Variants in B3GNT2 observed in about 807,000 individuals in gnomAD.
The protein encoded by B3GNT2 is UDP-GlcNAc:betaGal beta-1,3-N-acetylglucosaminyltransferase 2, also known as N-acetyllactosaminide beta-1,3-N-acetylglucosaminyltransferase 2.
Under a neutral mutation model 27.6 loss-of-function variants are expected in B3GNT2, and 12 were observed. That is an observed-to-expected ratio of 0.44 (90% CI 0.28 to 0.71). The LOEUF is 0.71. Ranked by LOEUF, B3GNT2 falls within the 30% of genes least tolerant of loss-of-function variation. The probability of loss-of-function intolerance (pLI) is 0.17; values close to 1 mark genes in which losing one functional copy is unlikely to be tolerated. For missense variants in B3GNT2, 413 were observed against 488.5 expected (o/e 0.85, Z 1.46); for synonymous variants, 192 against 189.7 (o/e 1.01, Z -0.10).
chr2:62,215,371 C>G (rs934080026), intron 1 of B3GNT2: 5 of 152,310 alleles, frequency 3.3e-5, no homozygotes, highest in East Asian at 1.9e-4. Flanking sequence ...CTCCCTTGCC[C>G]CGGTGAAAAC....
At chr2:62,216,056 T>C (rs1674567365) in intron 1 of B3GNT2, among the ~76,000 whole-genome samples, 2 of 152,182 alleles carry the variant, frequency 1.3e-5, no homozygotes, top group South Asian at 4.1e-4. Flanking sequence ...CCTGAGCCCA[T>C]GGCGGGGGAG....
chr2:62,218,351 C>T (rs1435871686), intron 1 of B3GNT2, among the ~76,000 whole-genome samples: 2 of 152,206 alleles, frequency 1.3e-5, no homozygotes, highest in Non-Finnish European at 2.9e-5. Flanking sequence ...ATCTTGTTTT[C>T]TCCACCTTCC....
rs1674781946 is a variant in B3GNT2, at chr2:62,224,279, G to T, written c.*865G>T. The T allele has an allele frequency of 6.0e-6, 1 of 166,982 alleles. No individual in the cohort carries two copies. The highest frequency in any genetic ancestry group is 1.5e-5 in the Non-Finnish European group (1 of 68,106). 10.3% of individuals were successfully genotyped at this position (166,982 alleles called of 1,614,324 possible). On this transcript the variant is annotated 3_prime_UTR_variant, in exon 2 of 2. Transcript: ENST00000301998. ...GAAGTTACAGACTTTTGCATAGATGGTTTGTCAATTTAAAATTCCAGAATT... is the reference window on the plus strand; with the variant it reads ...GAAGTTACAGACTTTTGCATAGATGTTTTGTCAATTTAAAATTCCAGAATT...
At chr2:62,197,904 G>A (rs1674186023) in intron 1 of B3GNT2, among the ~76,000 whole-genome samples, 1 of 152,242 alleles carries the variant, frequency 6.6e-6, no homozygotes, top group Non-Finnish European at 1.5e-5. Flanking sequence ...GTAGAGGGTG[G>A]TTAAGCCTGG....
Position 62,222,865 on chromosome 2 carries a change from C to T in B3GNT2, c.645C>T (p.Asp215=). Residue 215 remains aspartate, a synonymous_variant, in exon 2 of 2, where the codon GAC becomes GAT. Coordinates refer to ENST00000301998, the MANE Select transcript of B3GNT2 (RefSeq NM_006577.6). This position sits in a 1 kb window ranked among gnomAD's most constrained non-coding sequence, Gnocchi z 4.2. ...HQDILMWNYR[D]TFFNLSLKEV... ...ACATTCTTATGTGGAACTACAGAGA[C>T]ACTTTCTTCAACTTGTCTCTGAAGG... 3 of 1,614,184 alleles carry T rather than the reference C, an allele frequency of 1.9e-6. No homozygotes were observed. The highest frequency in any genetic ancestry group is 1.7e-5 in the Admixed American group (1 of 60,028).
intron 1 of B3GNT2, among the ~76,000 whole-genome samples, chr2:62,214,527 GT>G (rs1355120059): frequency 2.0e-4 from 30 of 152,324 alleles, no homozygotes; most frequent in Admixed American, 1.7e-3. Context: ...AATATCTGGA[GT>G]TAGTTTGTTG....
At chr2:62,201,720 TAAAAC>T (rs981676589) in intron 1 of B3GNT2, among the ~76,000 whole-genome samples, 1 of 152,198 alleles carries the variant, frequency 6.6e-6, no homozygotes, top group Non-Finnish European at 1.5e-5. Flanking sequence ...TAAAGGAAAA[TAAAAC>T]TAATTCCACC....
chr2:62,218,906 C>G (rs1241358383), intron 1 of B3GNT2, among the ~76,000 whole-genome samples: 1 of 152,142 alleles, frequency 6.6e-6, no homozygotes, highest in Non-Finnish European at 1.5e-5. Flanking sequence ...TGTACCTTGA[C>G]GTGGCCTTGA....
chr2:62,198,068 T>C (rs1288479374), intron 1 of B3GNT2, among the ~76,000 whole-genome samples: 1 of 152,248 alleles, frequency 6.6e-6, no homozygotes, highest in African/African-American at 2.4e-5. Context: ...TGTTTATCAT[T>C]AGATCTTCTG....
At chr2:62,208,377 C>T (rs1163567256) in intron 1 of B3GNT2, among the ~76,000 whole-genome samples, 2 of 152,034 alleles carry the variant, frequency 1.3e-5, no homozygotes, top group Non-Finnish European at 2.9e-5. Flanking sequence ...TATGCTTGTG[C>T]GTTTCTATTA....
intron 1 of B3GNT2, among the ~76,000 whole-genome samples, chr2:62,217,934 C>G (rs1216175997): frequency 1.3e-5 from 2 of 152,212 alleles, no homozygotes; most frequent in Admixed American, 6.5e-5. Flanking sequence ...CAAAACTGTT[C>G]TGTCCCTGTT....
At chr2:62,197,244 G>T (rs541413160) in intron 1 of B3GNT2, among the ~76,000 whole-genome samples, 347 of 152,186 alleles carry the variant, frequency 2.3e-3, no homozygotes, top group African/African-American at 8.2e-3. Flanking sequence ...CACGGCAGGC[G>T]GACCCTTCTG....
chr2:62,206,920 C>T (rs927844856), intron 1 of B3GNT2, among the ~76,000 whole-genome samples: 2 of 152,206 alleles, frequency 1.3e-5, no homozygotes, highest in South Asian at 2.1e-4. Flanking sequence ...AAATGTGTCA[C>T]TGGAAACCTT....
chr2:62,196,939 AC>A (rs1260734438), intron 1 of B3GNT2, among the ~76,000 whole-genome samples: 1 of 142,692 alleles, frequency 7.0e-6, no homozygotes. Context: ...GCCGCTCCCC[AC>A]CCCCCACCCC....
chr2:62,222,539 A>G lies in B3GNT2; in HGVS notation c.319A>G (p.Thr107Ala), dbSNP rs377454562. The G allele has an allele frequency of 1.9e-6, 3 of 1,614,212 alleles. No homozygotes were observed. Among genetic ancestry groups the G allele is most frequent in the Non-Finnish European group, 2.5e-6 (3 of 1,180,036 alleles). Residue 107 changes from threonine to alanine, a missense_variant, in exon 2 of 2, where the codon ACG becomes GCG. Transcript: ENST00000301998. The surrounding 1 kb of genome is among the most constrained non-coding windows in gnomAD (Gnocchi z 4.2). ...EPDLRVTSVV[T>A]GFNNLPDRFK... is the part of the protein sequence containing the mutation. The stretch of plus-strand genomic sequence containing the variant: ...TGACCTGAGGGTCACGTCGGTGGTT[A>G]CGGGTTTTAACAACTTGCCGGACAG...
chr2:62,215,320 A>G (rs1453073938), intron 1 of B3GNT2, among the ~76,000 whole-genome samples: 1 of 152,214 alleles, frequency 6.6e-6, no homozygotes, highest in African/African-American at 2.4e-5. Context: ...ATCTTAGCTG[A>G]GTGCCAGCCT....
chr2:62,207,243 G>A (rs1274508789), intron 1 of B3GNT2, among the ~76,000 whole-genome samples: 10 of 151,834 alleles, frequency 6.6e-5, no homozygotes, highest in African/African-American at 7.3e-5. Flanking sequence ...GCCGTGGCAC[G>A]ATCTGGGTAC....
chr2:62,212,224 C>T (rs747335119), intron 1 of B3GNT2, among the ~76,000 whole-genome samples: 1 of 152,132 alleles, frequency 6.6e-6, no homozygotes, highest in Non-Finnish European at 1.5e-5. Flanking sequence ...GCATGCTTTT[C>T]CTGCACTCCT....
intron 1 of B3GNT2, among the ~76,000 whole-genome samples, chr2:62,205,017 A>G (rs951520814): frequency 6.6e-6 from 1 of 152,206 alleles, no homozygotes; most frequent in Non-Finnish European, 1.5e-5. Flanking sequence ...CAATTTAGAG[A>G]TAGCGGAGGC....
Sources: gnomAD v4.1 joint callset for allele counts (sites outside exome capture counted in the v4.1 genomes callset) on GRCh38, gnomAD v4.1.1 for gene constraint, Gnocchi (gnomAD v3.1) non-coding constraint, MANE v1.5 for transcripts, NCBI Gene and HGNC (gene_info 2026-07-23, HGNC 2026-07-21) for gene names.